The following SYT16 variants were observed in gnomAD, a reference collection of about 807,000 sequenced individuals.
SYT16 encodes synaptotagmin-16.
In SYT16, 42 loss-of-function variants were observed where a neutral mutation model predicts 61.4. That is an observed-to-expected ratio of 0.68 (90% confidence interval 0.53 to 0.89). The LOEUF (loss-of-function observed/expected upper bound fraction) is 0.89. Ranked by LOEUF, SYT16 falls within the 40% of genes least tolerant of loss-of-function variation. The pLI, the probability that SYT16 is intolerant of heterozygous loss-of-function variation, is 0.00. For missense variants in SYT16, 804 were observed against 807.3 expected (o/e 1.00, Z 0.05); for synonymous variants, 314 against 302.3 (o/e 1.04, Z -0.40).
chr14:62,027,470 C>T (rs891671882), intron 3 of SYT16, among the ~76,000 whole-genome samples: 11 of 152,156 alleles, frequency 7.2e-5, no homozygotes, highest in Non-Finnish European at 1.6e-4. Flanking sequence ...GCTTTTACAT[C>T]CAGACAGTAT....
chr14:61,879,196 G>A (rs1481112846), intron 1 of SYT16, among the ~76,000 whole-genome samples: 2 of 152,020 alleles, frequency 1.3e-5, no homozygotes, highest in Non-Finnish European at 2.9e-5. Context: ...AAAGCAGCCA[G>A]GACAACTGTG....
At chr14:61,870,244 T>G (rs2047289244) in intron 1 of SYT16, among the ~76,000 whole-genome samples, 1 of 152,234 alleles carries the variant, frequency 6.6e-6, no homozygotes, top group African/African-American at 2.4e-5. Flanking sequence ...AGATATAGAC[T>G]TCTAGTTTGC....
Position 62,061,422 on chromosome 14 carries a change from TTAAA to T in SYT16, c.524-8174_524-8171del, listed in dbSNP as rs1595309816. ...GCAATGTTCATACATTAAATGCAAA[TTAAA>T]TAAATATCTCACTTGAAAGTACAGA... On this transcript the variant is annotated intron_variant, in intron 3 of 7. Coordinates refer to ENST00000683842, the MANE Select transcript of SYT16 (RefSeq NM_001367656.1). Among the ~76,000 whole-genome samples, 4 of 152,116 alleles carry T rather than the reference TTAAA, an allele frequency of 2.6e-5. No individual in the cohort carries two copies. In the East Asian group the frequency reaches 7.7e-4, roughly 29 times the overall value.
chr14:62,001,610 A>G lies in SYT16; in HGVS notation c.523+5068A>G, dbSNP rs569835449. Among the ~76,000 whole-genome samples, 55 of 107,140 alleles carry G rather than the reference A, an allele frequency of 5.1e-4. 1 individual carries two copies. The South Asian group carries it at 0.012, about 22-fold the overall frequency. 70.3% of individuals were successfully genotyped at this position (107,140 alleles called of 152,430 possible). A position where few individuals can be genotyped will look rare whatever the true frequency, so the allele number is the denominator to read the frequency against. ...TTTTCTTGTGTTTTCTAAGCTTATTAGGTCTGTGGGTTTAATGCTTTCATT... is the reference window on the plus strand; with the variant it reads ...TTTTCTTGTGTTTTCTAAGCTTATTGGGTCTGTGGGTTTAATGCTTTCATT... On this transcript the variant is annotated intron_variant, in intron 3 of 7. Coordinates refer to ENST00000683842, the MANE Select transcript of SYT16 (RefSeq NM_001367656.1).
intron 1 of SYT16, among the ~76,000 whole-genome samples, chr14:61,892,153 C>A (rs1437049439): frequency 2.0e-5 from 3 of 151,880 alleles, no homozygotes; most frequent in Non-Finnish European, 2.9e-5. Context: ...CCACCATAAA[C>A]CTCTCCTCTT....
intron 1 of SYT16, among the ~76,000 whole-genome samples, chr14:61,930,225 G>T (rs886292581): frequency 1.3e-5 from 2 of 152,048 alleles, no homozygotes; most frequent in African/African-American, 2.4e-5. Flanking sequence ...TGAGTTTTAT[G>T]CCGCTGTCTC....
chr14:62,057,360 AT>A (rs748575775), intron 3 of SYT16, among the ~76,000 whole-genome samples: 3 of 152,212 alleles, frequency 2.0e-5, no homozygotes, highest in Non-Finnish European at 2.9e-5. Flanking sequence ...TTGTAGTATC[AT>A]TGTATTCAGA....
At chr14:61,888,803 T>A (rs1003071996) in intron 1 of SYT16, among the ~76,000 whole-genome samples, 14 of 149,436 alleles carry the variant, frequency 9.4e-5, no homozygotes, top group African/African-American at 3.4e-4. Flanking sequence ...ATCTGTGAAG[T>A]GCAATGAATG....
At chr14:61,920,643 C>T (rs769684038) in intron 1 of SYT16, among the ~76,000 whole-genome samples, 19 of 152,148 alleles carry the variant, frequency 1.2e-4, no homozygotes, top group South Asian at 2.1e-4. Context: ...GCCATTTCAA[C>T]GCAGACTTCC....
intron 3 of SYT16, among the ~76,000 whole-genome samples, chr14:62,030,791 C>A (rs1337084959): frequency 6.6e-6 from 1 of 152,102 alleles, no homozygotes; most frequent in African/African-American, 2.4e-5. Flanking sequence ...CAGACAGTGG[C>A]CTTTTGTATT....
At chr14:61,881,436 G>T (rs1220998739) in intron 1 of SYT16, among the ~76,000 whole-genome samples, 1 of 152,212 alleles carries the variant, frequency 6.6e-6, no homozygotes, top group South Asian at 2.1e-4. Flanking sequence ...CTCTTGTCAT[G>T]ATACCAGTGT....
intron 1 of SYT16, among the ~76,000 whole-genome samples, chr14:61,867,525 A>G (rs2047197606): frequency 6.6e-6 from 1 of 152,102 alleles, no homozygotes; most frequent in South Asian, 2.1e-4. Context: ...CATAAAAGCT[A>G]CGAGAATTAA....
intron 3 of SYT16, among the ~76,000 whole-genome samples, chr14:62,015,357 T>A (rs2053628679): frequency 6.6e-6 from 1 of 152,080 alleles, no homozygotes; most frequent in Non-Finnish European, 1.5e-5. Context: ...TTTCATCATC[T>A]CCAGAAAGAT....
chr14:61,926,947 A>G (rs1400848390), intron 1 of SYT16, among the ~76,000 whole-genome samples: 2 of 152,178 alleles, frequency 1.3e-5, no homozygotes, highest in Non-Finnish European at 2.9e-5. Flanking sequence ...TTTCTTTTTT[A>G]CTTAGGTGAA....
intron 1 of SYT16, among the ~76,000 whole-genome samples, chr14:61,881,257 C>T (rs2047687355): frequency 6.6e-6 from 1 of 152,218 alleles, no homozygotes; most frequent in African/African-American, 2.4e-5. Flanking sequence ...AAATCACTCT[C>T]CCTTGACATT....
At chr14:61,963,579 T>C (rs1299771826) in intron 1 of SYT16, among the ~76,000 whole-genome samples, 1 of 152,154 alleles carries the variant, frequency 6.6e-6, no homozygotes, top group Non-Finnish European at 1.5e-5. Context: ...GGTTGGTTCC[T>C]GAGGTTCAAG....
chr14:61,854,059 C>CTA (rs574101025), intron 1 of SYT16, among the ~76,000 whole-genome samples: 3 of 152,046 alleles, frequency 2.0e-5, no homozygotes, highest in East Asian at 1.9e-4. Flanking sequence ...TTGCTTTAGC[C>CTA]TATATATATT....
At chr14:61,962,673 T>G (rs1350410470) in intron 1 of SYT16, among the ~76,000 whole-genome samples, 1 of 152,158 alleles carries the variant, frequency 6.6e-6, no homozygotes, top group Non-Finnish European at 1.5e-5. Flanking sequence ...TCATGAGTCT[T>G]GTAAACTTTC....
At chr14:62,052,333 A>T (rs11851808) in intron 3 of SYT16, among the ~76,000 whole-genome samples, 1 of 151,972 alleles carries the variant, frequency 6.6e-6, no homozygotes, top group Admixed American at 6.5e-5. Flanking sequence ...TTGACCCATC[A>T]ATTATTTAAA....
Sources: gnomAD v4.1 joint callset for allele counts (sites outside exome capture counted in the v4.1 genomes callset) on GRCh38, gnomAD v4.1.1 for gene constraint, MANE v1.5 for transcripts, NCBI Gene and HGNC (gene_info 2026-07-23, HGNC 2026-07-21) for gene names.